Variants in GPHN observed in about 807,000 individuals in gnomAD.
GPHN encodes gephyrin.
Under a neutral mutation model 95.5 loss-of-function variants are expected in GPHN, and 17 were observed. The observed-to-expected ratio is 0.18, with a 90% CI of 0.12 to 0.27. GPHN has a LOEUF of 0.27. GPHN is among the 10% of genes least tolerant of loss of function. The pLI is 1.00. For synonymous variants in GPHN, 320 were observed against 322.5 expected, an observed-to-expected ratio of 0.99 and a Z score of 0.08; for missense variants, 660 against 978.1, an observed-to-expected ratio of 0.67 and a Z score of 4.34.
At chr14:66,815,089 TAAGAC>T (rs1053459864) in intron 3 of GPHN, among the ~76,000 whole-genome samples, 6 of 151,860 alleles carry the variant, frequency 4.0e-5, no homozygotes, top group Admixed American at 3.9e-4. Context: ...CTTTCTGAAA[TAAGAC>T]AGGCAGACAA....
chr14:67,015,102 A>C (rs1235098666), intron 9 of GPHN, among the ~76,000 whole-genome samples: 1 of 152,140 alleles, frequency 6.6e-6, no homozygotes, highest in Non-Finnish European at 1.5e-5. Context: ...CAAATAAGGA[A>C]CTCACCAAGT....
chr14:67,448,435 A>G, the GPHN span, among the ~76,000 whole-genome samples: 1 of 152,132 alleles, frequency 6.6e-6, no homozygotes, highest in Non-Finnish European at 1.5e-5. Flanking sequence ...TTCAGTCACC[A>G]GAGAGGTATT....
At chr14:67,019,896 A>G (rs2073511634) in intron 9 of GPHN, among the ~76,000 whole-genome samples, 1 of 152,192 alleles carries the variant, frequency 6.6e-6, no homozygotes, top group Admixed American at 6.5e-5. Flanking sequence ...CTCAAATCAC[A>G]TGACCACTGC....
chr14:66,854,951 G>A (rs985752180), intron 4 of GPHN, among the ~76,000 whole-genome samples: 6 of 151,518 alleles, frequency 4.0e-5, no homozygotes, highest in East Asian at 1.9e-4. Flanking sequence ...GGATTCAAGC[G>A]ATTCTCCTGC....
At chr14:67,039,664 C>T (rs1341577807) in intron 10 of GPHN, among the ~76,000 whole-genome samples, 1 of 152,026 alleles carries the variant, frequency 6.6e-6, no homozygotes, top group Non-Finnish European at 1.5e-5. Flanking sequence ...TGTGGTGGCA[C>T]ATGCTGTAGT....
the GPHN span, among the ~76,000 whole-genome samples, chr14:67,713,021 T>C: frequency 6.6e-6 from 1 of 152,024 alleles, no homozygotes; most frequent in African/African-American, 2.4e-5. Context: ...TTGATCAAGT[T>C]GGATAGAATT....
chr14:67,447,892 C>G, the GPHN span: 2 of 152,042 alleles, frequency 1.3e-5, no homozygotes, highest in Admixed American at 1.3e-4. Flanking sequence ...TTCATGCCCT[C>G]GCCCACCCCT....
chr14:66,631,308 A>G (rs1241525781), intron 1 of GPHN, among the ~76,000 whole-genome samples: 1 of 152,074 alleles, frequency 6.6e-6, no homozygotes, highest in African/African-American at 2.4e-5. Context: ...CGGCCTCCCA[A>G]AGTGCTGGGA....
chr14:67,083,232 C>G (rs1269651163), intron 11 of GPHN, among the ~76,000 whole-genome samples: 1 of 151,774 alleles, frequency 6.6e-6, no homozygotes, highest in Non-Finnish European at 1.5e-5. Context: ...GATCTATGCC[C>G]CCCCCCCTCC....
chr14:66,663,731 A>G (rs28838734), intron 1 of GPHN, among the ~76,000 whole-genome samples: 22,719 of 152,192 alleles, frequency 0.15, 3,224 homozygotes, highest in East Asian at 0.44. Context: ...TGCTGTCTTC[A>G]AGAGACCCAT....
intron 1 of GPHN, among the ~76,000 whole-genome samples, chr14:66,620,150 G>A (rs909949389): frequency 5.3e-5 from 8 of 152,282 alleles, no homozygotes; most frequent in African/African-American, 1.7e-4. Context: ...CCATGTGATA[G>A]AAAAAGTGAA....
intron 1 of GPHN, among the ~76,000 whole-genome samples, chr14:66,559,307 T>C (rs924919335): frequency 2.7e-5 from 4 of 148,724 alleles, no homozygotes; most frequent in Non-Finnish European, 5.9e-5. Context: ...CCCTGAGGAA[T>C]CACCACACTG....
chr14:66,628,831 A>G (rs570317935), intron 1 of GPHN, among the ~76,000 whole-genome samples: 8 of 151,804 alleles, frequency 5.3e-5, no homozygotes, highest in African/African-American at 1.9e-4. Flanking sequence ...AGGGTGAAGC[A>G]GGAAGATTGC....
At chr14:66,607,729 G>A (rs747101870) in intron 1 of GPHN, among the ~76,000 whole-genome samples, 1 of 151,720 alleles carries the variant, frequency 6.6e-6, no homozygotes, top group Non-Finnish European at 1.5e-5. Flanking sequence ...TTCAATCTTT[G>A]GAGGTTGTGT....
chr14:66,585,837 G>C (rs1009673525), intron 1 of GPHN, among the ~76,000 whole-genome samples: 13 of 152,108 alleles, frequency 8.5e-5, no homozygotes, highest in Non-Finnish European at 1.5e-5. Context: ...AATAGGTGTG[G>C]TGTGGTGCTG....
At chr14:67,426,399 C>T in the GPHN span, among the ~76,000 whole-genome samples, 1 of 152,250 alleles carries the variant, frequency 6.6e-6, no homozygotes, top group South Asian at 2.1e-4. Flanking sequence ...AGTAGGAGAA[C>T]AGCTGTCATG....
intron 8 of GPHN, among the ~76,000 whole-genome samples, chr14:66,945,464 G>T (rs978327449): frequency 1.3e-5 from 2 of 152,130 alleles, no homozygotes; most frequent in Non-Finnish European, 2.9e-5. Context: ...GGACTTTGGG[G>T]ACTGGGGGAA....
chr14:67,606,822 A>G, the GPHN span, among the ~76,000 whole-genome samples: 1 of 151,902 alleles, frequency 6.6e-6, no homozygotes, highest in Admixed American at 6.6e-5. Context: ...AATTTTTTGT[A>G]TTTTTAGTAG....
intron 1 of GPHN, among the ~76,000 whole-genome samples, chr14:66,547,745 A>G (rs2059654452): frequency 6.6e-6 from 1 of 152,230 alleles, no homozygotes; most frequent in Admixed American, 6.5e-5. Flanking sequence ...AACAACAACA[A>G]TAACGAAACA....
Sources: gnomAD v4.1 joint callset for allele counts (sites outside exome capture counted in the v4.1 genomes callset) on GRCh38, gnomAD v4.1.1 for gene constraint, MANE v1.5 for transcripts, NCBI Gene and HGNC (gene_info 2026-07-23, HGNC 2026-07-21) for gene names.